Variants in SGCD observed in about 807,000 individuals in gnomAD.
SGCD encodes the protein sarcoglycan delta.
A neutral mutation model predicts 36.6 loss-of-function variants in SGCD; 18 were observed. The observed-to-expected ratio is 0.49, with a 90% CI of 0.34 to 0.73. SGCD has a LOEUF of 0.73. Among genes scored for constraint, SGCD ranks in the 30% least tolerant of loss-of-function variants. The pLI is 0.01. For missense variants in SGCD, 387 were observed against 346.7 expected, an observed-to-expected ratio of 1.12 and a Z score of -0.92; for synonymous variants, 133 against 130.6, an observed-to-expected ratio of 1.02 and a Z score of -0.12.
At chr5:156,713,418 G>T (rs469373) in intron 7 of SGCD, among the ~76,000 whole-genome samples, 116,698 of 144,324 alleles carry the variant, frequency 0.81, 47,474 homozygotes, top group East Asian at 0.94. Context: ...GTCGGGGGGG[G>T]CGTTATAGGA....
the SGCD span, among the ~76,000 whole-genome samples, chr5:155,728,274 C>T: frequency 1.3e-5 from 2 of 152,018 alleles, no homozygotes; most frequent in South Asian, 4.1e-4. Flanking sequence ...AGGTGGCGGC[C>T]GCTGCTGCCG....
intron 4 of SGCD, among the ~76,000 whole-genome samples, chr5:156,511,230 T>C (rs1756911446): frequency 6.6e-6 from 1 of 152,164 alleles, no homozygotes; most frequent in African/African-American, 2.4e-5. Context: ...ATCTTCTAAC[T>C]GAAGGAGAAA....
intron 7 of SGCD, among the ~76,000 whole-genome samples, chr5:156,722,148 C>T (rs375747621): frequency 6.6e-6 from 1 of 152,234 alleles, no homozygotes; most frequent in Non-Finnish European, 1.5e-5. Flanking sequence ...TGCTGACTAA[C>T]TCAGAAGCCC....
At chr5:156,516,842 C>T (rs1298132852) in intron 4 of SGCD, among the ~76,000 whole-genome samples, 1 of 152,054 alleles carries the variant, frequency 6.6e-6, no homozygotes, top group Non-Finnish European at 1.5e-5. Context: ...ACTAAAAGTA[C>T]AAAAATTAGC....
At chr5:155,929,286 C>T (rs1757053940) in intron 1 of SGCD, among the ~76,000 whole-genome samples, 1 of 152,164 alleles carries the variant, frequency 6.6e-6, no homozygotes, top group African/African-American at 2.4e-5. Context: ...ATTGTACATA[C>T]TTGCTCAGCG....
At chr5:156,654,283 A>G (rs1222924406) in intron 7 of SGCD, among the ~76,000 whole-genome samples, 1 of 152,126 alleles carries the variant, frequency 6.6e-6, no homozygotes, top group African/African-American at 2.4e-5. Flanking sequence ...GGACCTGGGG[A>G]ACATAGAATG....
chr5:156,709,085 C>CA (rs1421101450), intron 7 of SGCD, among the ~76,000 whole-genome samples: 1 of 151,902 alleles, frequency 6.6e-6, no homozygotes, highest in Non-Finnish European at 1.5e-5. Context: ...CTCTTTTAGA[C>CA]AAAAAAGGTG....
rs188128893 is a variant in SGCD, at chr5:155,950,031, G to T, written c.-282+79607G>T. 1.9e-3 allele frequency among the ~76,000 whole-genome samples: 286 copies of T among 152,224 alleles called. 2 individuals are homozygous for T. Among genetic ancestry groups the T allele is most frequent in the Non-Finnish European group, 2.8e-3 (190 of 68,016 alleles). ...CTAAACCCAGGTCTGATATCATTCA[G>T]TTTAGTTTTGAAAATTTTTATTGCA... is the stretch of plus-strand genomic sequence containing the variant. On this transcript the variant is annotated intron_variant, in intron 1 of 9. Transcript: ENST00000517913.
chr5:155,852,066 G>A, the SGCD span, among the ~76,000 whole-genome samples: 1 of 152,282 alleles, frequency 6.6e-6, no homozygotes, highest in South Asian at 2.1e-4. Context: ...CCCCTGTCGT[G>A]GATAATGACA....
intron 3 of SGCD, among the ~76,000 whole-genome samples, chr5:156,194,518 A>G (rs1561559960): frequency 6.6e-6 from 1 of 152,224 alleles, no homozygotes. Context: ...GGTGGAGAGA[A>G]AAACAGTCAA....
chr5:156,648,613 T>A (rs541346388), intron 7 of SGCD, among the ~76,000 whole-genome samples: 1 of 152,260 alleles, frequency 6.6e-6, no homozygotes, highest in East Asian at 1.9e-4. Context: ...AGAATGAGAA[T>A]CTTTTCATAA....
chr5:155,762,241 CTG>C, the SGCD span, among the ~76,000 whole-genome samples: 1 of 152,100 alleles, frequency 6.6e-6, no homozygotes, highest in African/African-American at 2.4e-5. Flanking sequence ...TGAATGAATG[CTG>C]GCCAGCTTGA....
chr5:156,579,669 A>G (rs6883510), intron 4 of SGCD, among the ~76,000 whole-genome samples: 55,357 of 151,942 alleles, frequency 0.36, 12,506 homozygotes, highest in African/African-American at 0.65. Flanking sequence ...TTATGTAATG[A>G]CCTTCTTTGT....
chr5:155,752,586 C>T, the SGCD span, among the ~76,000 whole-genome samples: 1 of 152,200 alleles, frequency 6.6e-6, no homozygotes, highest in East Asian at 1.9e-4. Flanking sequence ...TGACTTCCCA[C>T]TTCCTAGGCA....
intron 3 of SGCD, among the ~76,000 whole-genome samples, chr5:156,166,097 G>A (rs1012650020): frequency 6.6e-6 from 1 of 151,882 alleles, no homozygotes. Context: ...TGTATTATTT[G>A]TAGTGGCTTT....
intron 6 of SGCD, among the ~76,000 whole-genome samples, chr5:156,630,413 C>G (rs941722946): frequency 6.6e-6 from 1 of 152,136 alleles, no homozygotes; most frequent in African/African-American, 2.4e-5. Flanking sequence ...TTCCCTGTTT[C>G]TAAACAAGAA....
chr5:156,393,043 G>A (rs955095880), intron 3 of SGCD, among the ~76,000 whole-genome samples: 22 of 152,296 alleles, frequency 1.4e-4, no homozygotes, highest in Non-Finnish European at 2.8e-4. Context: ...CAGGCCCAGG[G>A]TTGGAGCCCT....
At chr5:156,141,131 A>T (rs1460518147) in intron 3 of SGCD, among the ~76,000 whole-genome samples, 1 of 152,212 alleles carries the variant, frequency 6.6e-6, no homozygotes, top group African/African-American at 2.4e-5. Context: ...CTGCAGGCTT[A>T]TGGAGTACAT....
At chr5:156,755,947 G>A (rs1332672109) in intron 7 of SGCD, among the ~76,000 whole-genome samples, 2 of 152,154 alleles carry the variant, frequency 1.3e-5, no homozygotes, top group African/African-American at 4.8e-5. Context: ...CAATGTGGCT[G>A]GGGGTTGCTC....
Sources: allele counts gnomAD v4.1 joint callset (sites outside exome capture counted in the v4.1 genomes callset), GRCh38; gene constraint gnomAD v4.1.1; transcripts MANE v1.5; gene names NCBI Gene and HGNC (gene_info 2026-07-23, HGNC 2026-07-21).